The following ARHGAP32 variants were observed in gnomAD, a reference collection of about 807,000 sequenced individuals.
The protein encoded by ARHGAP32 is Rho GTPase activating protein 32, also known as rho GTPase-activating protein 32.
In ARHGAP32, 51 loss-of-function variants were observed where a neutral mutation model predicts 186.5. That is an observed-to-expected ratio of 0.27 (90% CI 0.22 to 0.35). The LOEUF (loss-of-function observed/expected upper bound fraction) is 0.35. Among genes scored for constraint, ARHGAP32 ranks in the 10% least tolerant of loss-of-function variants. The pLI, the probability that ARHGAP32 is intolerant of heterozygous loss-of-function variation, is 1.00. For missense variants in ARHGAP32, 2,186 were observed against 2,623.5 expected, an observed-to-expected ratio of 0.83 and a Z score of 3.64; for synonymous variants, 950 against 964.3, an observed-to-expected ratio of 0.99 and a Z score of 0.27.
intron 7 of ARHGAP32, among the ~76,000 whole-genome samples, chr11:129,065,139 G>T (rs967493996): frequency 2.6e-5 from 4 of 152,062 alleles, no homozygotes; most frequent in African/African-American, 9.7e-5. Context: ...TCAATTTCTA[G>T]CCCCTTATCA....
intron 10 of ARHGAP32, among the ~76,000 whole-genome samples, chr11:129,061,628 G>C (rs771484453): frequency 2.0e-5 from 3 of 152,132 alleles, no homozygotes; most frequent in Non-Finnish European, 4.4e-5. Flanking sequence ...AGCATCTACA[G>C]TGTGGATATG....
chr11:129,250,968 G>C (rs1053934201), intron 1 of ARHGAP32, among the ~76,000 whole-genome samples: 1 of 152,096 alleles, frequency 6.6e-6, no homozygotes, highest in Non-Finnish European at 1.5e-5. Flanking sequence ...ATTTATCCAA[G>C]TAACAAATAC....
chr11:129,210,171 G>C (rs914429107), intron 1 of ARHGAP32, among the ~76,000 whole-genome samples: 1 of 152,200 alleles, frequency 6.6e-6, no homozygotes, highest in African/African-American at 2.4e-5. Flanking sequence ...AGCCAGAGAA[G>C]CATTCATGTC....
At chr11:129,158,291 A>C (rs1383979936) in intron 2 of ARHGAP32, among the ~76,000 whole-genome samples, 1 of 152,152 alleles carries the variant, frequency 6.6e-6, no homozygotes, top group East Asian at 1.9e-4. Context: ...AAACTGGATA[A>C]AGAGTCAAGA....
chr11:129,158,291 A>G (rs1383979936), intron 2 of ARHGAP32, among the ~76,000 whole-genome samples: 1 of 152,152 alleles, frequency 6.6e-6, no homozygotes, highest in Non-Finnish European at 1.5e-5. Context: ...AAACTGGATA[A>G]AGAGTCAAGA....
At chr11:129,235,843 A>G (rs1288935887) in intron 1 of ARHGAP32, among the ~76,000 whole-genome samples, 1 of 151,912 alleles carries the variant, frequency 6.6e-6, no homozygotes, top group African/African-American at 2.4e-5. Context: ...TACTCCACAG[A>G]GAATAATAGT....
At chr11:129,141,790 CT>C (rs534087733) in intron 2 of ARHGAP32, among the ~76,000 whole-genome samples, 33 of 146,880 alleles carry the variant, frequency 2.2e-4, no homozygotes, top group Admixed American at 6.8e-4. Context: ...GGGAAAGCCT[CT>C]TTTTTTTTTC....
chr11:128,986,692 G>A (rs1464831955), intron 13 of ARHGAP32, 24 bp from the exon 14 acceptor site: 2 of 1,610,252 alleles, frequency 1.2e-6, no homozygotes, highest in African/African-American at 2.7e-5. Flanking sequence ...AAGAGGACAA[G>A]CAAATCATTT....
chr11:128,978,069 C>T (rs1023083320), intron 19 of ARHGAP32, among the ~76,000 whole-genome samples: 5 of 151,910 alleles, frequency 3.3e-5, no homozygotes, highest in East Asian at 1.9e-4. Context: ...CTTTCTCACA[C>T]GTATGACTTC....
intron 11 of ARHGAP32, among the ~76,000 whole-genome samples, chr11:129,004,423 G>A (rs1399002731): frequency 2.0e-5 from 3 of 151,802 alleles, no homozygotes; most frequent in Admixed American, 1.3e-4. Flanking sequence ...GTCCTATGTT[G>A]ATTTTCTGTC....
chr11:129,179,442 G>A (rs1178093533), intron 1 of ARHGAP32, among the ~76,000 whole-genome samples: 4 of 152,092 alleles, frequency 2.6e-5, no homozygotes, highest in African/African-American at 4.8e-5. Context: ...TCCCATTAAT[G>A]GGTATATACC....
rs1001136947 is a variant in ARHGAP32 at position 128,985,990 on chromosome 11, C to G, written c.1526+13G>C. The G allele has an allele frequency of 2.5e-6, 4 of 1,597,298 alleles. No individual in the cohort carries two copies. Among genetic ancestry groups the G allele is most frequent in the Admixed American group, 3.6e-5 (2 of 56,318 alleles). ...CTTCTACCTCTGCCTGGTATTTACC[C>G]ACTGTGGCTGACCTGTAGTGTGGTG... On this transcript the variant is annotated intron_variant, in intron 15 of 22. Coordinates refer to ENST00000682385, the MANE Select transcript of ARHGAP32 (RefSeq NM_001378024.1).
intron 1 of ARHGAP32, among the ~76,000 whole-genome samples, chr11:129,211,729 A>T (rs752461577): frequency 6.6e-6 from 1 of 152,228 alleles, no homozygotes; most frequent in Non-Finnish European, 1.5e-5. Context: ...AAACTTCCAC[A>T]GTTGATTGTG....
intron 21 of ARHGAP32, 104 bp downstream of exon 21, chr11:128,974,020 A>T: frequency 1.5e-6 from 2 of 1,352,978 alleles, no homozygotes; most frequent in Non-Finnish European, 2.0e-6. Flanking sequence ...CTCTTTGATT[A>T]AAGGCTAGCT....
At chr11:129,237,133 G>A (rs932572088) in intron 1 of ARHGAP32, among the ~76,000 whole-genome samples, 1 of 152,136 alleles carries the variant, frequency 6.6e-6, no homozygotes, top group Non-Finnish European at 1.5e-5. Context: ...TTTTTGATAT[G>A]CTGTTGGACT....
At chr11:129,179,710 C>A (rs986658000) in intron 1 of ARHGAP32, among the ~76,000 whole-genome samples, 1 of 151,720 alleles carries the variant, frequency 6.6e-6, no homozygotes, top group Admixed American at 6.6e-5. Flanking sequence ...AACCAAACAC[C>A]GCACATTCTC....
intron 1 of ARHGAP32, among the ~76,000 whole-genome samples, chr11:129,179,866 G>A (rs906989888): frequency 3.4e-4 from 52 of 152,050 alleles, no homozygotes; most frequent in Non-Finnish European, 7.4e-5. Context: ...AGTGGGTGCA[G>A]TGCACCAGCA....
At chr11:129,025,845 C>T (rs1591542878) in intron 11 of ARHGAP32, among the ~76,000 whole-genome samples, 1 of 141,920 alleles carries the variant, frequency 7.0e-6, no homozygotes, top group African/African-American at 2.5e-5. Flanking sequence ...ATTATTTTAT[C>T]ATATTATATA....
Position 129,227,695 on chromosome 11 carries a change from T to C in ARHGAP32, c.-5+51451A>G, listed in dbSNP as rs138876872. 2.0e-3 allele frequency among the ~76,000 whole-genome samples: 299 copies of C among 152,188 alleles called. 1 individual carries two copies. Among genetic ancestry groups the C allele is most frequent in the African/African-American group, 5.6e-3 (234 of 41,556 alleles). On this transcript the variant is annotated intron_variant, in intron 1 of 6. Coordinates refer to the ARHGAP32 transcript ENST00000525234. The stretch of plus-strand genomic sequence containing the variant: ...AGAGACAAGGGATACTTTAGAATGA[T>C]AGAGGTAAATTTGTAGCAGACATCC...
Sources: allele counts gnomAD v4.1 joint callset (sites outside exome capture counted in the v4.1 genomes callset), GRCh38; gene constraint gnomAD v4.1.1; transcripts MANE v1.5; gene names NCBI Gene and HGNC (gene_info 2026-07-23, HGNC 2026-07-21).